PRKN: variants seen among roughly 807,000 people sequenced by gnomAD.
PRKN encodes the protein E3 ubiquitin-protein ligase parkin.
In PRKN, 56 loss-of-function variants were observed where a neutral mutation model predicts 59.5. The observed-to-expected ratio is 0.94, with a 90% CI of 0.76 to 1.18. The LOEUF (loss-of-function observed/expected upper bound fraction) is 1.18, where lower values mean the gene tolerates loss of function less well. Among genes scored for constraint, PRKN ranks in the 50% most tolerant of loss-of-function variants. PRKN has a pLI of 0.00. For synonymous variants in PRKN, 250 were observed against 222.1 expected (o/e 1.13, Z -1.12); for missense variants, 657 against 596.4 (o/e 1.10, Z -1.06).
chr6:162,153,495 A>C (rs1782364525), intron 4 of PRKN, among the ~76,000 whole-genome samples: 1 of 152,158 alleles, frequency 6.6e-6, no homozygotes, highest in Non-Finnish European at 1.5e-5. Flanking sequence ...CCTTTGCCTC[A>C]TGGAGTGCAG....
At position 162,278,550 on chromosome 6, in the gene PRKN, T is replaced by A. The variant is rs555042096; in HGVS notation, c.172-15785A>T. ...TGGGCACATTTGGGCAGGGAGTAGA[T>A]GGGAAATACCTTCCTCTCTATGATG... On this transcript the variant is annotated intron_variant, in intron 2 of 11. Coordinates refer to ENST00000366898, the MANE Select transcript of PRKN (RefSeq NM_004562.3). Among the ~76,000 whole-genome samples, 256 of 152,050 alleles carry A rather than the reference T, an allele frequency of 1.7e-3. 2 individuals carry two copies. Among genetic ancestry groups the A allele is most frequent in the African/African-American group, 5.9e-3 (245 of 41,496 alleles).
intron 9 of PRKN, among the ~76,000 whole-genome samples, chr6:161,453,647 C>T (rs944612267): frequency 6.6e-6 from 1 of 152,122 alleles, no homozygotes; most frequent in Non-Finnish European, 1.5e-5. Flanking sequence ...GACTTGGGGG[C>T]CTCCATGGCT....
intron 6 of PRKN, among the ~76,000 whole-genome samples, chr6:161,834,654 G>A (rs1022897200): frequency 3.3e-4 from 51 of 152,338 alleles, no homozygotes; most frequent in African/African-American, 1.2e-3. Context: ...GCAAATTGCT[G>A]GAAGCACTGG....
rs528666766 is a variant in PRKN, at chr6:162,080,352, A to G, written c.535-26178T>C. Among the ~76,000 whole-genome samples the G allele has an allele frequency of 7.2e-5, 11 of 152,264 alleles. No individual in the cohort carries two copies. The South Asian group carries it at 1.9e-3, about 26-fold the overall frequency. On this transcript the variant is annotated intron_variant, in intron 4 of 11. Transcript: ENST00000366898. ...AGATTTTGGTGAGGATAAAACAAAC[A>G]AAACACATGAAAAGTTCTTTTCCGC... is the stretch of plus-strand genomic sequence containing the variant.
At chr6:162,526,504 G>C (rs1562357207) in intron 1 of PRKN, among the ~76,000 whole-genome samples, 1 of 151,774 alleles carries the variant, frequency 6.6e-6, no homozygotes, top group Non-Finnish European at 1.5e-5. Context: ...ACAAAAACTA[G>C]CCGGGCCTGG....
chr6:161,958,726 A>C (rs1019213575), intron 6 of PRKN, among the ~76,000 whole-genome samples: 1 of 152,048 alleles, frequency 6.6e-6, no homozygotes, highest in African/African-American at 2.4e-5. Flanking sequence ...TAAAAATACA[A>C]AAAATTAGCT....
At chr6:162,307,252 T>C (rs1782274056) in intron 2 of PRKN, among the ~76,000 whole-genome samples, 1 of 151,848 alleles carries the variant, frequency 6.6e-6, no homozygotes, top group Non-Finnish European at 1.5e-5. Context: ...ATACAAAAAT[T>C]AGCCAGTCAT....
At chr6:162,240,047 G>T (rs939218744) in intron 3 of PRKN, among the ~76,000 whole-genome samples, 5 of 152,078 alleles carry the variant, frequency 3.3e-5, no homozygotes, top group African/African-American at 1.2e-4. Flanking sequence ...TGAAGGTTAA[G>T]AAATTTATAA....
chr6:162,085,066 A>C (rs78869556), intron 4 of PRKN, among the ~76,000 whole-genome samples: 1 of 60,024 alleles, frequency 1.7e-5, no homozygotes, highest in Non-Finnish European at 3.2e-5. Flanking sequence ...CACACACACA[A>C]AGAGAGAGAC....
intron 5 of PRKN, among the ~76,000 whole-genome samples, chr6:161,982,232 C>CAT: frequency 8.0e-6 from 1 of 125,770 alleles, no homozygotes; most frequent in Non-Finnish European, 1.7e-5. Flanking sequence ...AAAGGTTTGC[C>CAT]CACTGCTCAA....
At chr6:161,775,033 G>A (rs910213349) in intron 7 of PRKN, among the ~76,000 whole-genome samples, 4 of 152,108 alleles carry the variant, frequency 2.6e-5, no homozygotes, top group Non-Finnish European at 5.9e-5. Context: ...ACAAGGTCCA[G>A]GAGCTAGAAA....
rs533206690 is a variant in PRKN at position 162,334,341 on chromosome 6, G to A, written c.172-71576C>T. On this transcript the variant is annotated intron_variant, in intron 2 of 11. Transcript: ENST00000366898. The stretch of plus-strand genomic sequence containing the variant: ...AATGCATGGCTTCAAAACTTCCAAG[G>A]ACAGGCTGATTATCTTGTTAGGGGC... 4.3e-4 allele frequency among the ~76,000 whole-genome samples: 65 copies of A among 152,288 alleles called. No individual in the cohort carries two copies. The South Asian group carries it at 7.2e-3, about 17-fold the overall frequency.
chr6:162,293,272 T>C (rs906829570), intron 2 of PRKN, among the ~76,000 whole-genome samples: 4 of 151,946 alleles, frequency 2.6e-5, no homozygotes, highest in South Asian at 2.1e-4. Context: ...AGGAAAAGGA[T>C]GAAAGGATAA....
intron 7 of PRKN, among the ~76,000 whole-genome samples, chr6:161,635,363 G>A (rs1783473561): frequency 6.6e-6 from 1 of 152,308 alleles, no homozygotes; most frequent in African/African-American, 2.4e-5. Context: ...AATGAATACT[G>A]TTAGAACATC....
chr6:162,067,144 T>C lies in PRKN; in HGVS notation c.535-12970A>G, dbSNP rs112041737. On this transcript the variant is annotated intron_variant, in intron 4 of 11. Coordinates refer to ENST00000366898, the MANE Select transcript of PRKN (RefSeq NM_004562.3). ...GGTTATACAACGTAGAGCAACAATA[T>C]AGAAAGAGTCTGGGTTCCTGTCATC... is the stretch of plus-strand genomic sequence containing the variant. Among the ~76,000 whole-genome samples the C allele has an allele frequency of 8.7e-3, 1,331 of 152,316 alleles. 16 individuals are homozygous for C. Among genetic ancestry groups the C allele is most frequent in the African/African-American group, 0.031 (1,293 of 41,564 alleles).
chr6:162,256,581 T>C (rs1271597774), intron 3 of PRKN, among the ~76,000 whole-genome samples: 1 of 152,184 alleles, frequency 6.6e-6, no homozygotes, highest in Non-Finnish European at 1.5e-5. Context: ...GTAAATACCC[T>C]GCCTCCACGC....
chr6:161,968,134 C>T (rs1460635786), intron 6 of PRKN, among the ~76,000 whole-genome samples: 2 of 151,876 alleles, frequency 1.3e-5, no homozygotes, highest in Non-Finnish European at 2.9e-5. Flanking sequence ...GATTATCCTG[C>T]CTCAGCCTCC....
intron 6 of PRKN, among the ~76,000 whole-genome samples, chr6:161,932,598 C>T (rs1014314697): frequency 6.6e-6 from 1 of 152,040 alleles, no homozygotes; most frequent in Admixed American, 6.5e-5. Flanking sequence ...TGTTAATGAC[C>T]ATTTTCATTT....
chr6:162,484,030 T>C (rs551724465), intron 1 of PRKN, among the ~76,000 whole-genome samples: 1 of 152,304 alleles, frequency 6.6e-6, no homozygotes, highest in Non-Finnish European at 1.5e-5. Context: ...TATCATTTGA[T>C]CATCTGTATT....
Sources: gnomAD v4.1 joint callset for allele counts (sites outside exome capture counted in the v4.1 genomes callset) on GRCh38, gnomAD v4.1.1 for gene constraint, MANE v1.5 for transcripts, NCBI Gene and HGNC (gene_info 2026-07-23, HGNC 2026-07-21) for gene names.